The following FANCD2OS variants were observed in gnomAD, a reference collection of about 807,000 sequenced individuals.
FANCD2OS encodes the protein FANCD2 opposite strand protein.
In FANCD2OS, 11 loss-of-function variants were observed where a neutral mutation model predicts 13.2. That is an observed-to-expected ratio of 0.83 (90% CI 0.52 to 1.38). The LOEUF (loss-of-function observed/expected upper bound fraction) is 1.38. FANCD2OS is among the 40% of genes most tolerant of loss of function. FANCD2OS has a pLI of 0.00. For synonymous variants in FANCD2OS, 69 were observed against 84.5 expected, an observed-to-expected ratio of 0.82 and a Z score of 1.01; for missense variants, 217 against 213.9, an observed-to-expected ratio of 1.01 and a Z score of -0.09.
chr3:10,082,158 G>T (rs959907638), intron 2 of FANCD2OS, among the ~76,000 whole-genome samples: 2 of 152,192 alleles, frequency 1.3e-5, no homozygotes, highest in African/African-American at 4.8e-5. Context: ...GCTTTGCCTG[G>T]CTTAGTAAAT....
chr3:10,086,984 G>A (rs1447453073), intron 2 of FANCD2OS: 1 of 835,746 alleles, frequency 1.2e-6, no homozygotes, highest in Non-Finnish European at 2.0e-6. Flanking sequence ...GATGCTTGAA[G>A]AGGGTTGCTA....
chr3:10,103,999 T>A lies in FANCD2OS; in HGVS notation c.*242A>T, dbSNP rs766891200. The A allele has an allele frequency of 6.2e-5, 32 of 517,430 alleles. No homozygotes were observed. The highest frequency in any genetic ancestry group is 1.1e-4 in the Non-Finnish European group (31 of 295,186). 32.1% of individuals were successfully genotyped at this position (517,430 alleles called of 1,614,324 possible). A position where few individuals can be genotyped will look rare whatever the true frequency, so the allele number is the denominator to read the frequency against. On this transcript the variant is annotated 3_prime_UTR_variant, in exon 2 of 2. Coordinates refer to ENST00000450660, the MANE Select transcript of FANCD2OS (RefSeq NM_001164839.2). ...GTTTAACGGTTATCACATGGACATG[T>A]CAATGCTAGTTTGACTCTAAATGGT... is the stretch of plus-strand genomic sequence containing the variant.
rs1694142745 is a variant in FANCD2OS, at chr3:10,085,591, CG to C, written c.*44-4061del. On this transcript the variant is annotated intron_variant, in intron 2 of 2. Transcript: ENST00000524279. ...ATTTTTAGTAGAGACGGGATTTCACCGTGTTGGCCAAGATGGTCTCCATGTG... is the reference window on the plus strand; with the variant it reads ...ATTTTTAGTAGAGACGGGATTTCACCTGTTGGCCAAGATGGTCTCCATGTG... 1.3e-5 allele frequency among the ~76,000 whole-genome samples: 2 copies of C among 151,916 alleles called. 1 individual carries two copies. Among genetic ancestry groups the C allele is most frequent in the South Asian group, 4.1e-4 (2 of 4,824 alleles).
intron 2 of FANCD2OS, among the ~76,000 whole-genome samples, chr3:10,089,272 C>G (rs943446032): frequency 6.6e-6 from 1 of 150,534 alleles, no homozygotes; most frequent in Admixed American, 6.6e-5. Context: ...GCAGCAAGAG[C>G]GAAACTCCAT....
intron 2 of FANCD2OS, among the ~76,000 whole-genome samples, chr3:10,093,765 G>A (rs1418619165): frequency 6.6e-6 from 1 of 152,198 alleles, no homozygotes; most frequent in African/African-American, 2.4e-5. Flanking sequence ...AGTCCAGTCA[G>A]AATGTTATGG....
chr3:10,090,443 A>ATTTTTTTTGTTTTTT, intron 2 of FANCD2OS: 1 of 340,200 alleles, frequency 2.9e-6, no homozygotes, highest in Non-Finnish European at 5.2e-6. Flanking sequence ...GAAGTTGCTG[A>ATTTTTTTTGTTTTTT]TTTTTTTTTT....
At chr3:10,098,759 G>T (rs1168136231), downstream of FANCD2OS, 1 of 1,614,146 alleles carries the variant, frequency 6.2e-7, no homozygotes, top group South Asian at 1.1e-5. Flanking sequence ...GGAGAGCACA[G>T]CAGATGAGAG....
chr3:10,093,642 G>T (rs979768304), intron 2 of FANCD2OS, among the ~76,000 whole-genome samples: 6 of 152,182 alleles, frequency 3.9e-5, no homozygotes, highest in Admixed American at 3.9e-4. Context: ...AGGAGTAGAT[G>T]ATTTTTCTTT....
intron 2 of FANCD2OS, chr3:10,088,917 A>G: frequency 1.2e-6 from 2 of 1,614,126 alleles, no homozygotes; most frequent in Non-Finnish European, 1.7e-6. Flanking sequence ...TCTCCTAAAG[A>G]TGCATCTTCC....
At chr3:10,087,059 C>A in intron 2 of FANCD2OS, 2 of 1,529,404 alleles carry the variant, frequency 1.3e-6, no homozygotes, top group Admixed American at 1.7e-5. Context: ...GACTTGGGCA[C>A]GTCATGTGGA....
chr3:10,104,792 G>A lies in FANCD2OS; in HGVS notation c.-8-10C>T. 6.5e-7 allele frequency: 1 copy of A among 1,535,234 alleles called. No homozygotes were observed. The highest frequency in any genetic ancestry group is 8.8e-7 in the Non-Finnish European group (1 of 1,141,488). ...CCTGCCATTGACAGTCCTAAAGGAG[G>A]GAAATCAGAGCATGGAATTTCCCTG... On this transcript the variant is annotated splice_polypyrimidine_tract_variant and intron_variant, in intron 1 of 1. Transcript: ENST00000450660.
intron 2 of FANCD2OS, chr3:10,089,053 C>A: frequency 2.3e-6 from 3 of 1,292,918 alleles, no homozygotes; most frequent in Non-Finnish European, 2.2e-6. Context: ...GAGGCTGAGG[C>A]AGGAGGATCA....
rs572858633 is a variant in FANCD2OS, at chr3:10,086,590, T to A, written c.*44-5059A>T. On this transcript the variant is annotated intron_variant, in intron 2 of 2. Coordinates refer to the FANCD2OS transcript ENST00000524279. ...TCCACCTCCTGGGCTCAAGTGATTG[T>A]ACTGCCTCAGCCTCCCAAGACGCTG... 6.6e-5 allele frequency among the ~76,000 whole-genome samples: 10 copies of A among 152,252 alleles called. 1 individual carries two copies. The South Asian group carries it at 8.3e-4, about 13-fold the overall frequency.
chr3:10,104,461 C>T lies in FANCD2OS; in HGVS notation c.314G>A (p.Arg105Lys). Residue 105 changes from arginine to lysine, a missense_variant, in exon 2 of 2, where the codon AGG becomes AAG. By Grantham distance (26) the Arg-to-Lys change is conservative (BLOSUM62 2). Transcript: ENST00000450660. ...CTTTGGTGGCTGAGCTGTGATAACC[C>T]TGCCAAAGACAGAATCTACTCCACT... ...RLSGVDSVFG[R>K]VITAQPPKWT... The T allele has an allele frequency of 6.2e-7, 1 of 1,614,220 alleles. No homozygotes were observed.
At chr3:10,104,904 G>T in intron 1 of FANCD2OS, 122 bp from the exon 2 acceptor site, 1 of 680,814 alleles carries the variant, frequency 1.5e-6, no homozygotes, top group Non-Finnish European at 2.3e-6. Flanking sequence ...CCCATGAATA[G>T]ATTCCAACAG....
At chr3:10,081,321 G>C (rs1172988866) in exon 3 of FANCD2OS, 2 of 1,611,218 alleles carry the variant, frequency 1.2e-6, no homozygotes. Context: ...TGAAGCAACT[G>C]TCCTAAAATC....
intron 2 of FANCD2OS, chr3:10,096,510 T>A: frequency 6.2e-7 from 1 of 1,603,462 alleles, no homozygotes; most frequent in Non-Finnish European, 8.5e-7. Flanking sequence ...TCCCCTACTC[T>A]TATTCTTTGT....
intron 2 of FANCD2OS, among the ~76,000 whole-genome samples, chr3:10,093,662 G>T (rs1694785537): frequency 6.6e-6 from 1 of 152,184 alleles, no homozygotes; most frequent in Non-Finnish European, 1.5e-5. Context: ...TAAAGTCTAT[G>T]GGTGGCCTTA....
chr3:10,096,927 A>G (rs1329296954), intron 2 of FANCD2OS, among the ~76,000 whole-genome samples: 4 of 152,014 alleles, frequency 2.6e-5, no homozygotes, highest in East Asian at 3.9e-4. Flanking sequence ...GTTCTTTTCT[A>G]TTTTCCTAAG....
Sources: gnomAD v4.1 joint callset for allele counts (sites outside exome capture counted in the v4.1 genomes callset) on GRCh38, gnomAD v4.1.1 for gene constraint, MANE v1.5 for transcripts, NCBI Gene and HGNC (gene_info 2026-07-23, HGNC 2026-07-21) for gene names.